Variants in SMG1 observed in about 807,000 individuals in gnomAD.
SMG1 encodes the protein SMG1 nonsense mediated mRNA decay associated PI3K related kinase.
A neutral mutation model predicts 419.9 loss-of-function variants in SMG1; 22 were observed. The observed-to-expected ratio is 0.05, with a 90% CI of 0.04 to 0.07. The LOEUF is 0.07. SMG1 is among the 10% of genes least tolerant of loss of function. SMG1 has a pLI of 1.00. For synonymous variants in SMG1, 1,538 were observed against 1,553.5 expected, an observed-to-expected ratio of 0.99 and a Z score of 0.23; for missense variants, 3,185 against 4,342.0, an observed-to-expected ratio of 0.73 and a Z score of 7.49.
rs1011694221 is a variant in SMG1 at position 18,850,427 on chromosome 16, T to C, written c.5093A>G (p.Asn1698Ser). ...ITLQITESED[N>S]EEDDMVDVIW... The stretch of plus-strand genomic sequence containing the variant: ...AACATCAACCATGTCATCTTCTTCG[T>C]TGTCTTCACTCTCAGTTATCTGAAG... Residue 1698 changes from asparagine to serine, a missense_variant, in exon 34 of 63, where the codon AAC (asparagine) becomes AGC (serine). By Grantham distance (46) the Asn-to-Ser change is conservative. Transcript: ENST00000446231. 1 of 1,613,756 alleles carries C rather than the reference T, an allele frequency of 6.2e-7. No individual in the cohort carries two copies.
chr16:18,897,306 T>G (rs1216736429), intron 1 of SMG1, among the ~76,000 whole-genome samples: 1 of 152,212 alleles, frequency 6.6e-6, no homozygotes, highest in Non-Finnish European at 1.5e-5. Flanking sequence ...TCTCCTCACA[T>G]GACTTGATAA....
intron 5 of SMG1, among the ~76,000 whole-genome samples, chr16:18,890,645 G>A (rs571775757): frequency 3.2e-4 from 48 of 152,186 alleles, no homozygotes; most frequent in African/African-American, 7.0e-4. Flanking sequence ...GTGAGACTCC[G>A]GCTCAAAAAA....
intron 4 of SMG1, among the ~76,000 whole-genome samples, chr16:18,891,367 TG>T (rs966784559): frequency 6.6e-6 from 1 of 152,186 alleles, no homozygotes; most frequent in Non-Finnish European, 1.5e-5. Context: ...AGGAGAAACT[TG>T]CTTTGATCCA....
chr16:18,908,476 CAAAAAA>C (rs59890240), intron 1 of SMG1, among the ~76,000 whole-genome samples: 3 of 83,708 alleles, frequency 3.6e-5, no homozygotes, highest in Middle Eastern at 8.5e-3. Context: ...GACTCCGTCT[CAAAAAA>C]AAAAAAAAAA....
intron 1 of SMG1, among the ~76,000 whole-genome samples, chr16:18,921,626 T>A (rs576233564): frequency 1.3e-5 from 2 of 152,258 alleles, no homozygotes; most frequent in South Asian, 4.1e-4. Flanking sequence ...ACCCACCTAA[T>A]AGGTATAAAA....
At chr16:18,837,817 TG>T (rs1318624005) in intron 45 of SMG1, among the ~76,000 whole-genome samples, 196 bp downstream of exon 45, 2 of 152,242 alleles carry the variant, frequency 1.3e-5, no homozygotes, top group Non-Finnish European at 2.9e-5. Flanking sequence ...GAGTGTGGAA[TG>T]TAACTGTGCA....
chr16:18,884,064 A>C lies in SMG1; in HGVS notation c.1119+6T>G, dbSNP rs559231565. 2.0e-5 allele frequency: 28 copies of C among 1,430,304 alleles called. No individual in the cohort carries two copies. In the South Asian group the frequency reaches 2.7e-4, roughly 14 times the overall value. 88.6% of individuals were successfully genotyped at this position (1,430,304 alleles called of 1,614,324 possible). A position where few individuals can be genotyped will look rare whatever the true frequency, so the allele number is the denominator to read the frequency against. On this transcript the variant is annotated splice_donor_region_variant and intron_variant, in intron 9 of 62. Transcript: ENST00000446231. ...AATTTTAAGAAACAGCTTTCTATAT[A>C]CTCACCTCAGCATATGCTTCCATGT...
At chr16:18,900,500 T>C (rs7185328) in intron 1 of SMG1, among the ~76,000 whole-genome samples, 74,868 of 151,854 alleles carry the variant, frequency 0.49, 18,817 homozygotes, top group Middle Eastern at 0.59. Flanking sequence ...AGAGAGAGAG[T>C]GTCATCTCTG....
rs763770409 is a variant in SMG1 at position 18,830,188 on chromosome 16, G to C, written c.8943+31C>G. ...ACTGAACAACTACTTTATGGCACTT[G>C]CATTATTTTTAAATCCAAGTCCACA... On this transcript the variant is annotated intron_variant, in intron 52 of 62. Coordinates refer to ENST00000446231, the MANE Select transcript of SMG1 (RefSeq NM_015092.5). 9 of 1,611,756 alleles carry C rather than the reference G, an allele frequency of 5.6e-6. No individual in the cohort carries two copies. The East Asian group carries it at 2.0e-4, about 36-fold the overall frequency.
At chr16:18,838,754 G>A (rs2033735365) in intron 42 of SMG1, 65 bp from the exon 43 acceptor site, 14 of 1,027,304 alleles carry the variant, frequency 1.4e-5, no homozygotes, top group Non-Finnish European at 1.9e-5. Flanking sequence ...CAACATGGAC[G>A]TGATACTATA....
chr16:18,820,547 G>A (rs543868036), intron 55 of SMG1, among the ~76,000 whole-genome samples: 20 of 152,230 alleles, frequency 1.3e-4, no homozygotes, highest in Admixed American at 7.2e-4. Flanking sequence ...TTATCATGAC[G>A]AGGAAAGTTT....
chr16:18,900,344 G>C (rs1160833857), intron 1 of SMG1, among the ~76,000 whole-genome samples: 4 of 152,032 alleles, frequency 2.6e-5, no homozygotes, highest in Non-Finnish European at 5.9e-5. Flanking sequence ...TCAATATACA[G>C]AAAAATGCCA....
chr16:18,901,082 T>C (rs1008937845), intron 1 of SMG1, among the ~76,000 whole-genome samples: 2 of 150,230 alleles, frequency 1.3e-5, no homozygotes, highest in South Asian at 2.1e-4. Context: ...AATAGAACCA[T>C]TCCATGTCAA....
chr16:18,889,680 G>C (rs960674661), intron 5 of SMG1, 95 bp from the exon 6 acceptor site: 5 of 574,920 alleles, frequency 8.7e-6, no homozygotes, highest in Non-Finnish European at 1.5e-5. Context: ...AATGTCTTAA[G>C]TGGTTTTTTA....
intron 33 of SMG1, among the ~76,000 whole-genome samples, chr16:18,851,833 G>A (rs541374507): frequency 1.3e-5 from 2 of 152,194 alleles, no homozygotes; most frequent in South Asian, 2.1e-4. Context: ...GTGAGCCACC[G>A]TGCCAGGCCA....
intron 8 of SMG1, 24 bp from the exon 9 acceptor site, chr16:18,884,191 GA>G: frequency 8.0e-7 from 1 of 1,243,500 alleles, no homozygotes; most frequent in Non-Finnish European, 1.2e-6. Flanking sequence ...AAGAAATTGT[GA>G]AAGGGTAGGG....
Position 18,852,203 on chromosome 16 carries a change from T to G in SMG1, c.4916A>C (p.Gln1639Pro). ...WGRKVVDNAS[Q>P]GEGVRLLPRE... Reference sequence around the variant, plus strand: ...AGGCAGCAGACGAACACCTTCTCCCTGACTATAAAAATAAACAAGTCATCA... The same window carrying G: ...AGGCAGCAGACGAACACCTTCTCCCGGACTATAAAAATAAACAAGTCATCA... The change falls in exon 33 of 63, where the codon CAG (glutamine) becomes CCG (proline). Residue 1639 changes from glutamine to proline, a missense_variant and splice_region_variant. Around this residue, in one of 27 missense-constraint regions of SMG1, gnomAD observed 493 missense variants for 552.9 expected, o/e 0.89. Coordinates refer to ENST00000446231, the MANE Select transcript of SMG1 (RefSeq NM_015092.5). The G allele has an allele frequency of 6.2e-7, 1 of 1,611,312 alleles. No individual in the cohort carries two copies. Among genetic ancestry groups the G allele is most frequent in the Non-Finnish European group, 8.5e-7 (1 of 1,179,072 alleles).
chr16:18,871,544 A>C, intron 15 of SMG1, 62 bp from the exon 16 acceptor site: 1 of 744,690 alleles, frequency 1.3e-6, no homozygotes, highest in Non-Finnish European at 2.1e-6. Flanking sequence ...AAAACATTAA[A>C]AGCCTAGTCT....
chr16:18,874,903 C>CCT (rs2036032274), intron 13 of SMG1, among the ~76,000 whole-genome samples: 29 of 94,572 alleles, frequency 3.1e-4, no homozygotes, highest in South Asian at 8.4e-4. Flanking sequence ...AAAAAAAAGC[C>CCT]TTTTTTTTTT....
Sources: gnomAD v4.1 joint callset for allele counts (sites outside exome capture counted in the v4.1 genomes callset) on GRCh38, gnomAD v4.1.1 for gene constraint, gnomAD v4.1.1 regional missense constraint, MANE v1.5 for transcripts, NCBI Gene and HGNC (gene_info 2026-07-23, HGNC 2026-07-21) for gene names.